The following ZNF609 variants were observed in gnomAD, a reference collection of about 807,000 sequenced individuals.
ZNF609 encodes zinc finger protein 609.
In ZNF609, 11 loss-of-function variants were observed where a neutral mutation model predicts 109.5. The observed-to-expected ratio is 0.10, with a 90% confidence interval of 0.06 to 0.17. The LOEUF (loss-of-function observed/expected upper bound fraction) is 0.17, where lower values mean the gene tolerates loss of function less well. Among genes scored for constraint, ZNF609 ranks in the 10% least tolerant of loss-of-function variants. The probability of loss-of-function intolerance (pLI) is 1.00; values close to 1 mark genes in which losing one functional copy is unlikely to be tolerated. For synonymous variants in ZNF609, 646 were observed against 662.0 expected (o/e 0.98, Z 0.37); for missense variants, 1,559 against 1,772.4 (o/e 0.88, Z 2.16).
chr15:64,576,535 C>T (rs554656593), intron 2 of ZNF609, among the ~76,000 whole-genome samples: 1 of 151,740 alleles, frequency 6.6e-6, no homozygotes, highest in East Asian at 1.9e-4. Context: ...TTTAAAAAAT[C>T]TAACTTCCAT....
At chr15:64,535,389 T>A (rs983877063) in intron 2 of ZNF609, among the ~76,000 whole-genome samples, 3 of 152,202 alleles carry the variant, frequency 2.0e-5, no homozygotes, top group African/African-American at 7.2e-5. Flanking sequence ...CTTCTGGGAT[T>A]GGCTTTTTCA....
At chr15:64,644,597 C>G (rs1435990889) in intron 3 of ZNF609, among the ~76,000 whole-genome samples, 2 of 152,186 alleles carry the variant, frequency 1.3e-5, no homozygotes, top group Admixed American at 6.5e-5. Context: ...GAGCTTCTGC[C>G]TTGATATGTG....
intron 2 of ZNF609, among the ~76,000 whole-genome samples, chr15:64,563,352 G>A (rs1894712962): frequency 6.7e-6 from 1 of 148,630 alleles, no homozygotes; most frequent in South Asian, 2.1e-4. Context: ...TCGGGAGGCT[G>A]AGGTGGGAGG....
At chr15:64,582,770 G>C (rs1236936004) in intron 2 of ZNF609, among the ~76,000 whole-genome samples, 1 of 4,658 alleles carries the variant, frequency 2.1e-4, no homozygotes, top group African/African-American at 6.2e-4. Context: ...TTTTTTTTTT[G>C]AGACAGAGTC....
chr15:64,535,796 A>C (rs1894132567), intron 2 of ZNF609, among the ~76,000 whole-genome samples: 1 of 152,032 alleles, frequency 6.6e-6, no homozygotes, highest in Admixed American at 6.6e-5. Context: ...TGTTATCTCT[A>C]TTTTTTATTT....
intron 2 of ZNF609, among the ~76,000 whole-genome samples, chr15:64,614,779 T>G (rs1216745109): frequency 6.7e-6 from 1 of 149,920 alleles, no homozygotes; most frequent in Non-Finnish European, 1.5e-5. Flanking sequence ...CTTGAAGCAC[T>G]TTTTGGATTA....
intron 2 of ZNF609, among the ~76,000 whole-genome samples, chr15:64,531,397 C>CATTATT: frequency 6.6e-6 from 1 of 151,876 alleles, no homozygotes; most frequent in Non-Finnish European, 1.5e-5. Flanking sequence ...TTATTCCAGA[C>CATTATT]ATTATTATTA....
At chr15:64,535,437 C>T (rs922292936) in intron 2 of ZNF609, among the ~76,000 whole-genome samples, 4 of 152,072 alleles carry the variant, frequency 2.6e-5, no homozygotes. Context: ...CAGGTTGTTG[C>T]GTGTATCAAT....
At chr15:64,576,970 A>AT (rs1894971951) in intron 2 of ZNF609, among the ~76,000 whole-genome samples, 1 of 138,346 alleles carries the variant, frequency 7.2e-6, no homozygotes, top group African/African-American at 2.8e-5. Flanking sequence ...ATATACACAT[A>AT]AATATATATA....
At chr15:64,572,276 G>C (rs748907579) in intron 2 of ZNF609, among the ~76,000 whole-genome samples, 1 of 152,100 alleles carries the variant, frequency 6.6e-6, no homozygotes, top group Non-Finnish European at 1.5e-5. Context: ...TAGGCAGATC[G>C]TTTGAGTCTG....
chr15:64,594,114 A>G (rs564611796), intron 2 of ZNF609, among the ~76,000 whole-genome samples: 5 of 152,336 alleles, frequency 3.3e-5, no homozygotes, highest in Admixed American at 3.3e-4. Flanking sequence ...AACTGAAAGA[A>G]TAGGTTGATA....
Position 64,577,356 on chromosome 15 carries a change from C to T in ZNF609, c.748-45471C>T, listed in dbSNP as rs1424562800. Among the ~76,000 whole-genome samples the T allele has an allele frequency of 1.4e-4, 2 of 14,802 alleles. 1 individual carries two copies. The highest frequency in any genetic ancestry group is 2.4e-4 in the African/African-American group (2 of 8,258). The allele number at this position is 14,802 out of a possible 152,430, so 9.7% of individuals were successfully genotyped here. On this transcript the variant is annotated intron_variant, in intron 2 of 9. Transcript: ENST00000326648. ...ATATACATATATATGTATATATATA[C>T]ACATATATGTATATATATACACATA...
chr15:64,492,273 T>C (rs1455752710), intron 1 of ZNF609, among the ~76,000 whole-genome samples: 1 of 151,962 alleles, frequency 6.6e-6, no homozygotes, highest in Non-Finnish European at 1.5e-5. Context: ...AAGCCACATG[T>C]GAAGGTAGGC....
intron 3 of ZNF609, among the ~76,000 whole-genome samples, chr15:64,637,647 A>G (rs1214638399): frequency 1.3e-5 from 2 of 152,136 alleles, no homozygotes; most frequent in Non-Finnish European, 2.9e-5. Context: ...GAAATTGAGC[A>G]TCTTTTCATG....
intron 2 of ZNF609, among the ~76,000 whole-genome samples, chr15:64,507,061 T>G (rs1396950155): frequency 6.6e-6 from 1 of 152,200 alleles, no homozygotes; most frequent in African/African-American, 2.4e-5. Context: ...AAAAATTAGC[T>G]TAGGGCATAT....
intron 2 of ZNF609, among the ~76,000 whole-genome samples, chr15:64,598,940 C>T (rs1008906007): frequency 1.3e-5 from 2 of 150,384 alleles, no homozygotes; most frequent in African/African-American, 4.9e-5. Flanking sequence ...CATACTCTTA[C>T]CAACTGGGAT....
chr15:64,584,449 C>T (rs548277840), intron 2 of ZNF609, among the ~76,000 whole-genome samples: 7 of 151,906 alleles, frequency 4.6e-5, no homozygotes, highest in East Asian at 3.9e-4. Flanking sequence ...TACAGTTATG[C>T]GCCACCATCC....
At position 64,500,404 on chromosome 15, in the gene ZNF609, G is replaced by A. The variant is rs555479601; in HGVS notation, c.747+238G>A. 8.3e-5 allele frequency: 61 copies of A among 732,472 alleles called. No homozygotes were observed. In the African/African-American group the frequency reaches 1.1e-3, roughly 13 times the overall value. 45.4% of individuals were successfully genotyped at this position (732,472 alleles called of 1,614,324 possible). ...AACAGGATATTTGTTGTTGGGGGCA[G>A]CTACTTTGTAGAATGAACTTTCTGT... On this transcript the variant is annotated intron_variant, in intron 2 of 9. Coordinates refer to ENST00000326648, the MANE Select transcript of ZNF609 (RefSeq NM_015042.2).
At chr15:64,511,557 T>C (rs1893731195) in intron 2 of ZNF609, among the ~76,000 whole-genome samples, 1 of 151,748 alleles carries the variant, frequency 6.6e-6, no homozygotes, top group African/African-American at 2.4e-5. Context: ...GAATGTATCC[T>C]ATAACATCTG....
Sources: gnomAD v4.1 joint callset for allele counts (sites outside exome capture counted in the v4.1 genomes callset) on GRCh38, gnomAD v4.1.1 for gene constraint, MANE v1.5 for transcripts, NCBI Gene and HGNC (gene_info 2026-07-23, HGNC 2026-07-21) for gene names.